Variants in SMC4 observed in about 807,000 individuals in gnomAD.
The protein encoded by SMC4 is structural maintenance of chromosomes 4.
SMC4 carries 87 observed loss-of-function variants against 145.6 expected under a neutral mutation model. The observed-to-expected ratio is 0.60, with a 90% CI of 0.50 to 0.71. The LOEUF (loss-of-function observed/expected upper bound fraction) is 0.71, where lower values mean the gene tolerates loss of function less well. Ranked by LOEUF, SMC4 falls within the 30% of genes least tolerant of loss-of-function variation. The pLI, the probability that SMC4 is intolerant of heterozygous loss-of-function variation, is 0.00. For missense variants in SMC4, 1,447 were observed against 1,537.1 expected (o/e 0.94, Z 0.98); for synonymous variants, 558 against 500.7 (o/e 1.11, Z -1.53).
intron 10 of SMC4, among the ~76,000 whole-genome samples, chr3:160,417,035 T>A (rs1576965388): frequency 6.6e-6 from 1 of 152,208 alleles, no homozygotes; most frequent in African/African-American, 2.4e-5. Context: ...CACATTGATA[T>A]GTATTATCTA....
chr3:160,413,374 A>T (rs1055394858), intron 7 of SMC4, 99 bp from the exon 8 acceptor site: 3 of 1,191,878 alleles, frequency 2.5e-6, no homozygotes, highest in Non-Finnish European at 3.5e-6. Flanking sequence ...ACTAGTTAAT[A>T]ATATTTTAGA....
intron 16 of SMC4, among the ~76,000 whole-genome samples, 176 bp from the exon 17 acceptor site, chr3:160,425,898 C>A (rs1261781098): frequency 6.6e-5 from 10 of 152,114 alleles, no homozygotes; most frequent in Admixed American, 6.5e-4. Flanking sequence ...TTATAATGAG[C>A]TTACATATTT....
chr3:160,413,717 C>T, intron 8 of SMC4, 104 bp downstream of exon 8: 5 of 696,942 alleles, frequency 7.2e-6, no homozygotes, highest in Non-Finnish European at 1.1e-5. Flanking sequence ...AGACATTTGC[C>T]AGCATATCAA....
chr3:160,428,620 T>G, intron 17 of SMC4, 133 bp from the exon 18 acceptor site: 1 of 699,410 alleles, frequency 1.4e-6, no homozygotes, highest in Non-Finnish European at 2.3e-6. Context: ...TTTTTTAAGG[T>G]GCTTTTTCCC....
At chr3:160,413,406 T>C (rs1716234146) in intron 7 of SMC4, 67 bp from the exon 8 acceptor site, 2 of 1,454,750 alleles carry the variant, frequency 1.4e-6, no homozygotes, top group Non-Finnish European at 1.9e-6. Context: ...TTACTAAAAT[T>C]GTTATACAGT....
At chr3:160,433,453 G>C (rs534214925) in intron 23 of SMC4, 182 of 546,036 alleles carry the variant, frequency 3.3e-4, no homozygotes, top group African/African-American at 3.2e-3. Context: ...AGAATCCTAG[G>C]TCATCTTCCT....
At chr3:160,402,169 C>A in intron 3 of SMC4, 76 bp downstream of exon 3, 2 of 976,608 alleles carry the variant, frequency 2.0e-6, no homozygotes, top group Non-Finnish European at 2.9e-6. Context: ...CAAGATGTTT[C>A]AGTTTTGTAA....
Position 160,400,809 on chromosome 3 carries a change from C to A in SMC4, c.-5-13C>A. On this transcript the variant is annotated splice_polypyrimidine_tract_variant and intron_variant, in intron 1 of 23. Coordinates refer to ENST00000357388, the MANE Select transcript of SMC4 (RefSeq NM_001002800.3). ...CGCGGGCTGACTTGCTCCCGGCTGTCCCCCGGCCCCAGCGACCATGCCCCG... is the reference window on the plus strand; with the variant it reads ...CGCGGGCTGACTTGCTCCCGGCTGTACCCCGGCCCCAGCGACCATGCCCCG... The A allele has an allele frequency of 6.6e-7, 1 of 1,514,142 alleles. No individual in the cohort carries two copies. The highest frequency in any genetic ancestry group is 8.8e-7 in the Non-Finnish European group (1 of 1,141,146). 93.8% of individuals were successfully genotyped at this position (1,514,142 alleles called of 1,614,324 possible). A position where few individuals can be genotyped will look rare whatever the true frequency, so the allele number is the denominator to read the frequency against.
At chr3:160,413,983 A>G (rs1452123413) in intron 8 of SMC4, 4 of 317,366 alleles carry the variant, frequency 1.3e-5, no homozygotes, top group Admixed American at 5.0e-5. Context: ...GCCATTTTTC[A>G]ATGACACTAG....
At position 160,430,679 on chromosome 3, in the gene SMC4, C is replaced by T. The variant is rs775773639; in HGVS notation, c.2876C>T (p.Thr959Ile). 4 of 1,613,596 alleles carry T rather than the reference C, an allele frequency of 2.5e-6. No individual in the cohort carries two copies. The highest frequency in any genetic ancestry group is 3.4e-6 in the Non-Finnish European group (4 of 1,179,840). ...ACTGAGAAAGAGGTGGATGACCTAA[C>T]AGCAGAGCTGAAAAGTCTTGAGGAC... is the stretch of plus-strand genomic sequence containing the variant. ...KDTEKEVDDLTAELKSLEDKA... is the reference protein window; with the variant it reads ...KDTEKEVDDLIAELKSLEDKA... Residue 959 changes from threonine to isoleucine, a missense_variant, in exon 19 of 24, where the codon ACA becomes ATA. By Grantham distance (89) the Thr-to-Ile change is moderately conservative. Coordinates refer to ENST00000357388, the MANE Select transcript of SMC4 (RefSeq NM_001002800.3).
chr3:160,405,770 G>A (rs1294082074), intron 5 of SMC4, among the ~76,000 whole-genome samples: 1 of 151,956 alleles, frequency 6.6e-6, no homozygotes, highest in Non-Finnish European at 1.5e-5. Flanking sequence ...AGGATTTTGT[G>A]TGTTTTTAAA....
chr3:160,419,879 A>G (rs1280957309), intron 12 of SMC4, among the ~76,000 whole-genome samples: 1 of 152,164 alleles, frequency 6.6e-6, no homozygotes, highest in Non-Finnish European at 1.5e-5. Context: ...CAGAGGCAGA[A>G]GGATCACTTG....
In SMC4 at chr3:160,423,617, G is replaced by T. The variant is rs753387048; in HGVS notation, c.2212G>T (p.Val738Leu). 3 of 1,613,272 alleles carry T rather than the reference G, an allele frequency of 1.9e-6. No individual in the cohort carries two copies. The South Asian group carries it at 3.3e-5, about 18-fold the overall frequency. ...AYQKDRRWRV[V>L]TLQGQIIEQS... ...TCAAAAAGATAGAAGATGGAGAGTG[G>T]TAACTTTACAGGGACAAATCATAGA... Residue 738 changes from valine (V) to leucine (L), a missense_variant, in exon 14 of 24, where the codon GTA becomes TTA. By Grantham distance (32) the Val-to-Leu change is conservative. Coordinates refer to ENST00000357388, the MANE Select transcript of SMC4 (RefSeq NM_001002800.3).
chr3:160,422,269 A>G (rs142785304), intron 13 of SMC4, among the ~76,000 whole-genome samples: 2 of 152,232 alleles, frequency 1.3e-5, no homozygotes, highest in Non-Finnish European at 2.9e-5. Context: ...AACTTTTTGA[A>G]GAACTGTCAA....
chr3:160,412,748 T>TGTGACACCTGTC, intron 7 of SMC4: 1 of 774,316 alleles, frequency 1.3e-6, no homozygotes, highest in Non-Finnish European at 1.6e-6. Flanking sequence ...ACTATCTGGC[T>TGTGACACCTGTC]GTGACACCTG....
In SMC4 at chr3:160,404,027, T is replaced by C. The variant is rs557119635; in HGVS notation, c.511-301T>C. On this transcript the variant is annotated intron_variant, in intron 4 of 23. Coordinates refer to ENST00000357388, the MANE Select transcript of SMC4 (RefSeq NM_001002800.3). ...TGGGTTTTGGATATGGTGGGAATCT[T>C]GTCTACGTCTTCTCAATCATAAACG... The C allele has an allele frequency of 2.0e-4, 56 of 274,708 alleles. 1 individual carries two copies. In the South Asian group the frequency reaches 2.9e-3, roughly 14 times the overall value. The allele number at this position is 274,708 out of a possible 1,614,324, so 17.0% of individuals were successfully genotyped here.
Position 160,400,816 on chromosome 3 carries a change from C to A in SMC4, c.-5-6C>A, listed in dbSNP as rs1356410471. 1 of 1,520,892 alleles carries A rather than the reference C, an allele frequency of 6.6e-7. No individual in the cohort carries two copies. Among genetic ancestry groups the A allele is most frequent in the South Asian group, 1.2e-5 (1 of 82,410 alleles). 94.2% of individuals were successfully genotyped at this position (1,520,892 alleles called of 1,614,324 possible). On this transcript the variant is annotated splice_polypyrimidine_tract_variant and splice_region_variant and intron_variant, in intron 1 of 23. Transcript: ENST00000357388. The stretch of plus-strand genomic sequence containing the variant: ...TGACTTGCTCCCGGCTGTCCCCCGG[C>A]CCCAGCGACCATGCCCCGTAAAGGC...
intron 4 of SMC4, 68 bp from the exon 5 acceptor site, chr3:160,404,260 G>C: frequency 1.4e-6 from 2 of 1,421,896 alleles, no homozygotes. Flanking sequence ...TGAAATGAGT[G>C]AATTTTGAAG....
At chr3:160,430,552 A>G in intron 18 of SMC4, 47 bp from the exon 19 acceptor site, 3 of 1,465,404 alleles carry the variant, frequency 2.0e-6, no homozygotes, top group Non-Finnish European at 2.7e-6. Context: ...CAGAAACAAT[A>G]ACAAATCACC....
Sources: allele counts gnomAD v4.1 joint callset (sites outside exome capture counted in the v4.1 genomes callset), GRCh38; gene constraint gnomAD v4.1.1; transcripts MANE v1.5; gene names NCBI Gene and HGNC (gene_info 2026-07-23, HGNC 2026-07-21).